The following ATG14 variants were observed in gnomAD, a reference collection of about 807,000 sequenced individuals.
The protein encoded by ATG14 is autophagy related 14.
ATG14 carries 35 observed loss-of-function variants against 60.4 expected under a neutral mutation model. The ratio of observed to expected loss-of-function variants is 0.58; its 90% CI spans 0.44 to 0.77. The LOEUF (loss-of-function observed/expected upper bound fraction) is 0.77. Ranked by LOEUF, ATG14 falls within the 30% of genes least tolerant of loss-of-function variation. The pLI, the probability that ATG14 is intolerant of heterozygous loss-of-function variation, is 0.00. For missense variants in ATG14, 647 were observed against 626.3 expected, an observed-to-expected ratio of 1.03 and a Z score of -0.35; for synonymous variants, 234 against 228.8, an observed-to-expected ratio of 1.02 and a Z score of -0.21.
intron 3 of ATG14, among the ~76,000 whole-genome samples, chr14:55,393,069 T>C (rs1885245907): frequency 6.6e-6 from 1 of 152,214 alleles, no homozygotes; most frequent in Non-Finnish European, 1.5e-5. Context: ...AATTCACTTC[T>C]ATCACAAATT....
chr14:55,382,254 A>G, intron 5 of ATG14, 63 bp from the exon 6 acceptor site: 1 of 1,428,584 alleles, frequency 7.0e-7, no homozygotes, highest in Non-Finnish European at 9.8e-7. Context: ...ATGCAATATA[A>G]CTGCAAGACA....
At chr14:55,391,985 C>T (rs1276755730) in intron 3 of ATG14, among the ~76,000 whole-genome samples, 4 of 152,160 alleles carry the variant, frequency 2.6e-5, no homozygotes, top group African/African-American at 9.7e-5. Flanking sequence ...AGGTTCAGCA[C>T]CCCCTAAAGC....
chr14:55,380,875 A>ATTTTTTTTTT (rs1170779991), intron 6 of ATG14, among the ~76,000 whole-genome samples, 185 bp from the exon 7 acceptor site: 72 of 112,694 alleles, frequency 6.4e-4, no homozygotes, highest in Non-Finnish European at 8.9e-4. Flanking sequence ...ATATATATAT[A>ATTTTTTTTTT]TTTTTTTTTT....
At chr14:55,379,283 C>G (rs909758998) in intron 7 of ATG14, among the ~76,000 whole-genome samples, 42 of 152,050 alleles carry the variant, frequency 2.8e-4, no homozygotes, top group African/African-American at 1.0e-3. Context: ...TGCCTGTAAT[C>G]CCAGCACTGT....
In ATG14 at chr14:55,369,840, C is replaced by A; in HGVS notation, c.1258G>T (p.Gly420Ter). 6.2e-7 allele frequency: 1 copy of A among 1,614,150 alleles called. No homozygotes were observed. The highest frequency in any genetic ancestry group is 8.5e-7 in the Non-Finnish European group (1 of 1,180,034). ...PGVAGESDES[G>*]DERVSDEETD... ...TCTTCATCGCTGACGCGCTCATCTCCGCTCTCATCTGATTCTCCAGCAACT... is the reference window on the plus strand; with the variant it reads ...TCTTCATCGCTGACGCGCTCATCTCAGCTCTCATCTGATTCTCCAGCAACT... The change falls in exon 10 of 10, where the codon GGA becomes TGA. Residue 420 changes from glycine to a stop codon, truncating the protein, a stop_gained. Transcript: ENST00000247178. LOFTEE classifies it high-confidence loss of function.
At position 55,373,821 on chromosome 14, in the gene ATG14, G is replaced by GT. The variant is rs200095114; in HGVS notation, c.1173-3897dup. 7.0e-3 allele frequency among the ~76,000 whole-genome samples: 1,006 copies of GT among 144,272 alleles called. 14 individuals carry two copies. The highest frequency in any genetic ancestry group is 0.024 in the African/African-American group (943 of 39,596). 94.6% of individuals were successfully genotyped at this position (144,272 alleles called of 152,430 possible). A position where few individuals can be genotyped will look rare whatever the true frequency, so the allele number is the denominator to read the frequency against. On this transcript the variant is annotated intron_variant, in intron 9 of 9. Transcript: ENST00000247178. ...ATTTGTTTCAAAAAAAAAAAAAAAA[G>GT]TTTATCTTTTCAGAATAGAATCCTC...
chr14:55,377,267 A>T (rs1490813605), intron 9 of ATG14, among the ~76,000 whole-genome samples: 1 of 152,182 alleles, frequency 6.6e-6, no homozygotes, highest in East Asian at 1.9e-4. Flanking sequence ...GAATCGCTTG[A>T]ACCCAGGAGG....
intron 9 of ATG14, among the ~76,000 whole-genome samples, chr14:55,372,578 C>T (rs539054890): frequency 6.6e-6 from 1 of 151,792 alleles, no homozygotes; most frequent in South Asian, 2.1e-4. Flanking sequence ...TTCTTTCCAT[C>T]CTTTCTTCCT....
intron 1 of ATG14, among the ~76,000 whole-genome samples, chr14:55,403,592 A>G (rs905952101): frequency 6.6e-6 from 1 of 152,198 alleles, no homozygotes; most frequent in African/African-American, 2.4e-5. Context: ...TGGGTTTTAA[A>G]AAGATAAAAG....
intron 9 of ATG14, among the ~76,000 whole-genome samples, chr14:55,375,016 C>T (rs967976853): frequency 2.6e-5 from 4 of 152,192 alleles, no homozygotes; most frequent in Non-Finnish European, 5.9e-5. Context: ...CCATGAAATA[C>T]GATCAGTCTT....
chr14:55,374,670 G>A (rs576130109), intron 9 of ATG14, among the ~76,000 whole-genome samples: 7 of 152,078 alleles, frequency 4.6e-5, no homozygotes, highest in Admixed American at 1.3e-4. Context: ...TTTAAATAAG[G>A]TTTTTTATAT....
At chr14:55,402,240 T>A (rs1249102387) in intron 1 of ATG14, among the ~76,000 whole-genome samples, 1 of 152,224 alleles carries the variant, frequency 6.6e-6, no homozygotes, top group Non-Finnish European at 1.5e-5. Context: ...TCCACCTGCC[T>A]GTCTAGTCCT....
chr14:55,401,394 A>T lies in ATG14; in HGVS notation c.222-3960T>A, dbSNP rs1885395505. 6.6e-5 allele frequency among the ~76,000 whole-genome samples: 10 copies of T among 152,200 alleles called. No individual in the cohort carries two copies. In the South Asian group the frequency reaches 2.1e-3, roughly 32 times the overall value. On this transcript the variant is annotated intron_variant, in intron 1 of 9. Coordinates refer to ENST00000247178, the MANE Select transcript of ATG14 (RefSeq NM_014924.5). The stretch of plus-strand genomic sequence containing the variant: ...ATTTTCTGAACTTTTATGTAGGCAT[A>T]CATCTTTTTGTTGTTGTTGTTTAAT...
chr14:55,370,308 C>A (rs1884784754), intron 9 of ATG14, among the ~76,000 whole-genome samples: 1 of 152,106 alleles, frequency 6.6e-6, no homozygotes, highest in South Asian at 2.1e-4. Flanking sequence ...TAACAAAAAG[C>A]CACTTGATGT....
intron 1 of ATG14, 110 bp from the exon 2 acceptor site, chr14:55,397,544 T>A: frequency 2.3e-6 from 2 of 858,660 alleles, no homozygotes; most frequent in South Asian, 1.5e-5. Context: ...GAAAATGTCA[T>A]TGTCCTGATA....
intron 1 of ATG14, among the ~76,000 whole-genome samples, chr14:55,401,226 CTTG>C (rs150045270): frequency 0.014 from 2,098 of 151,562 alleles, 54 homozygotes; most frequent in African/African-American, 0.048. Context: ...ACTGATTTTT[CTTG>C]TTATTTCCCT....
intron 7 of ATG14, 84 bp from the exon 8 acceptor site, chr14:55,378,158 A>G (rs1884956615): frequency 3.5e-6 from 4 of 1,137,564 alleles, no homozygotes; most frequent in Admixed American, 2.0e-5. Flanking sequence ...ACAATTAGGT[A>G]TAACACATAC....
intron 3 of ATG14, among the ~76,000 whole-genome samples, chr14:55,391,579 C>T (rs17128438): frequency 0.091 from 13,819 of 152,104 alleles, 1,831 homozygotes; most frequent in African/African-American, 0.29. Context: ...TCTCTAAACC[C>T]GCTCTAGCTA....
At position 55,366,967 on chromosome 14, in the gene ATG14, G is replaced by C. The variant is rs1884693199; in HGVS notation, c.*2652C>G. 1 of 152,630 alleles carries C rather than the reference G, an allele frequency of 6.6e-6. No homozygotes were observed. Among genetic ancestry groups the C allele is most frequent in the Non-Finnish European group, 1.5e-5 (1 of 68,040 alleles). The allele number at this position is 152,630 out of a possible 1,614,324, so 9.5% of individuals were successfully genotyped here. A position where few individuals can be genotyped will look rare whatever the true frequency, so the allele number is the denominator to read the frequency against. On this transcript the variant is annotated 3_prime_UTR_variant, in exon 10 of 10. Coordinates refer to ENST00000247178, the MANE Select transcript of ATG14 (RefSeq NM_014924.5). ...AACCCAAAATATTTCAGCAGTGTAA[G>C]CCAGTATGTTGGTGTTCAAAACCAC...
Sources: allele counts gnomAD v4.1 joint callset (sites outside exome capture counted in the v4.1 genomes callset), GRCh38; gene constraint gnomAD v4.1.1; transcripts MANE v1.5; gene names NCBI Gene and HGNC (gene_info 2026-07-23, HGNC 2026-07-21).